The following HNF4A variants were observed in gnomAD, a reference collection of about 807,000 sequenced individuals.
The protein encoded by HNF4A is hepatocyte nuclear factor 4-alpha.
In HNF4A, 15 loss-of-function variants were observed where a neutral mutation model predicts 52.4. The observed-to-expected ratio is 0.29, with a 90% CI of 0.19 to 0.44. The LOEUF (loss-of-function observed/expected upper bound fraction) is 0.44, where lower values mean the gene tolerates loss of function less well. Among genes scored for constraint, HNF4A ranks in the 20% least tolerant of loss-of-function variants. The pLI is 1.00. For synonymous variants in HNF4A, 280 were observed against 264.4 expected (o/e 1.06, Z -0.57); for missense variants, 479 against 647.2 (o/e 0.74, Z 2.82).
intron 1 of HNF4A, among the ~76,000 whole-genome samples, chr20:44,378,328 C>T (rs572265904): frequency 3.3e-5 from 5 of 149,570 alleles, no homozygotes; most frequent in Non-Finnish European, 5.9e-5. Context: ...AGTGCAGTGG[C>T]GTGATCTCGG....
chr20:44,414,640 G>T lies in HNF4A; in HGVS notation c.626G>T (p.Cys209Phe). Residue 209 changes from cysteine (C) to phenylalanine (F), a missense_variant, in exon 5 of 10, where the codon TGC (cysteine) becomes TTC (phenylalanine). Physicochemically the swap from Cys to Phe is radical, Grantham distance 205 (BLOSUM62 -2). Transcript: ENST00000316099. ...TGGGCCAAGTACATCCCAGCTTTCT[G>T]CGAGCTCCCCCTGGACGACCAGGTG... 1 of 1,611,244 alleles carries T rather than the reference G, an allele frequency of 6.2e-7. No homozygotes were observed. The highest frequency in any genetic ancestry group is 8.5e-7 in the Non-Finnish European group (1 of 1,178,662).
At chr20:44,410,495 C>T (rs2063566274) in intron 3 of HNF4A, among the ~76,000 whole-genome samples, 1 of 151,936 alleles carries the variant, frequency 6.6e-6, no homozygotes, top group South Asian at 2.1e-4. Context: ...CCCACCACCC[C>T]TCCTCAGCCT....
chr20:44,414,516 C>T lies in HNF4A; in HGVS notation c.502C>T (p.Pro168Ser), dbSNP rs758036527. The change falls in exon 5 of 10, where the codon CCC (proline) becomes TCC (serine). Residue 168 changes from proline to serine, a missense_variant. By Grantham distance (74) the Pro-to-Ser change is moderately conservative (BLOSUM62 -1). This residue lies in a region of HNF4A where 389 missense variants were observed against 525.1 expected (regional missense o/e 0.74). Transcript: ENST00000316099. Reference sequence around the variant, plus strand: ...CCTGTATCTCTCGAAGATCACCTCCCCCGTCTCCGGGATCAACGGCGACAT... The same window carrying T: ...CCTGTATCTCTCGAAGATCACCTCCTCCGTCTCCGGGATCAACGGCGACAT... The T allele has an allele frequency of 1.2e-6, 2 of 1,614,246 alleles. No individual in the cohort carries two copies. Among genetic ancestry groups the T allele is most frequent in the East Asian group, 4.5e-5 (2 of 44,886 alleles).
At chr20:44,410,323 C>T (rs1390512807) in intron 3 of HNF4A, among the ~76,000 whole-genome samples, 2 of 152,300 alleles carry the variant, frequency 1.3e-5, no homozygotes, top group African/African-American at 4.8e-5. Flanking sequence ...GTGGGTTAGT[C>T]GATGCTAGTG....
intron 1 of HNF4A, among the ~76,000 whole-genome samples, chr20:44,366,807 A>T (rs2062974575): frequency 6.6e-6 from 1 of 152,200 alleles, no homozygotes; most frequent in South Asian, 2.1e-4. Context: ...GTATATCTTC[A>T]AAAGAAAGGA....
Position 44,422,202 on chromosome 20 carries a change from G to T in HNF4A, c.893-1816G>T, listed in dbSNP as rs1256888187. On this transcript the variant is annotated intron_variant, in intron 7 of 9. Coordinates refer to ENST00000316099, the MANE Select transcript of HNF4A (RefSeq NM_000457.6). Reference sequence around the variant, plus strand: ...CCTGCTATCCCACACTTACCAGAGGGTGAGATTTCTAGTTCTAGTTCCCTC... The same window carrying T: ...CCTGCTATCCCACACTTACCAGAGGTTGAGATTTCTAGTTCTAGTTCCCTC... 2.0e-5 allele frequency among the ~76,000 whole-genome samples: 3 copies of T among 152,194 alleles called. No homozygotes were observed. In the South Asian group the frequency reaches 6.2e-4, roughly 32 times the overall value.
chr20:44,385,866 G>T (rs1328565998), intron 1 of HNF4A, among the ~76,000 whole-genome samples: 3 of 147,964 alleles, frequency 2.0e-5, no homozygotes, highest in Non-Finnish European at 3.0e-5. Context: ...GATTTTTTTT[G>T]TTGTTTTTTT....
At chr20:44,416,923 T>A (rs2063673434) in intron 5 of HNF4A, among the ~76,000 whole-genome samples, 1 of 151,160 alleles carries the variant, frequency 6.6e-6, no homozygotes, top group African/African-American at 2.4e-5. Context: ...TCCTCCCACC[T>A]TTTCTCCTTC....
chr20:44,413,603 C>A (rs976132369), intron 3 of HNF4A, 91 bp from the exon 4 acceptor site: 3 of 875,904 alleles, frequency 3.4e-6, no homozygotes, highest in Non-Finnish European at 5.7e-6. Context: ...ACACCCCCCA[C>A]CTCCTGCTCC....
At chr20:44,401,067 G>A (rs1284436608), upstream of HNF4A, among the ~76,000 whole-genome samples, 1 of 151,994 alleles carries the variant, frequency 6.6e-6, no homozygotes, top group African/African-American at 2.4e-5. Flanking sequence ...GTGAGTTAGG[G>A]CCCCAGCAGT....
chr20:44,405,043 C>CG (rs2063477888), intron 1 of HNF4A, among the ~76,000 whole-genome samples: 1 of 92,854 alleles, frequency 1.1e-5, no homozygotes, highest in Non-Finnish European at 2.1e-5. Context: ...CGTGTGTGTG[C>CG]TTGTGTGTGG....
upstream of HNF4A, among the ~76,000 whole-genome samples, chr20:44,399,084 C>T (rs924195614): frequency 3.3e-5 from 5 of 152,318 alleles, no homozygotes; most frequent in South Asian, 2.1e-4. Context: ...ACCCCTTGGT[C>T]GGATCTTCTG....
intron 3 of HNF4A, 40 bp downstream of exon 3, chr20:44,407,515 C>T: frequency 1.5e-6 from 2 of 1,316,798 alleles, no homozygotes; most frequent in Non-Finnish European, 2.1e-6. Context: ...CACTGCCCCA[C>T]CTGCACCCAC....
rs997556522 is a variant in HNF4A, at chr20:44,420,024, C to A, written c.892+148C>A. 11 of 851,114 alleles carry A rather than the reference C, an allele frequency of 1.3e-5. No individual in the cohort carries two copies. In the African/African-American group the frequency reaches 1.8e-4, roughly 14 times the overall value. 52.7% of individuals were successfully genotyped at this position (851,114 alleles called of 1,614,324 possible). A position where few individuals can be genotyped will look rare whatever the true frequency, so the allele number is the denominator to read the frequency against. The stretch of plus-strand genomic sequence containing the variant: ...GGCCGTTTTCATTTAACAGATGAGG[C>A]AAGTCAAGATTTGAAGAGACAATAT... On this transcript the variant is annotated intron_variant, in intron 7 of 9. Coordinates refer to ENST00000316099, the MANE Select transcript of HNF4A (RefSeq NM_000457.6).
At chr20:44,396,131 C>T (rs1205511305) in intron 1 of HNF4A, among the ~76,000 whole-genome samples, 1 of 152,148 alleles carries the variant, frequency 6.6e-6, no homozygotes, top group African/African-American at 2.4e-5. Flanking sequence ...AGCCCTCAAG[C>T]TCTGGAGGCA....
chr20:44,362,418 T>TAAA (rs36103037), intron 1 of HNF4A, among the ~76,000 whole-genome samples: 10 of 104,170 alleles, frequency 9.6e-5, no homozygotes, highest in Non-Finnish European at 1.3e-4. Flanking sequence ...AAACTTGTCT[T>TAAA]AAAAAAAAAA....
chr20:44,417,128 A>G (rs1280032871), intron 5 of HNF4A, among the ~76,000 whole-genome samples: 1 of 149,996 alleles, frequency 6.7e-6, no homozygotes, highest in Non-Finnish European at 1.5e-5. Flanking sequence ...AACTGAAAGA[A>G]TGAACAATCA....
At chr20:44,388,345 G>A (rs1376863097) in intron 1 of HNF4A, among the ~76,000 whole-genome samples, 1 of 135,230 alleles carries the variant, frequency 7.4e-6, no homozygotes, top group African/African-American at 3.0e-5. Context: ...CATGGAAGCA[G>A]CACAAAGCCT....
Position 44,414,584 on chromosome 20 carries a change from C to T in HNF4A, c.570C>T (p.Ser190=). 6.2e-7 allele frequency: 1 copy of T among 1,614,204 alleles called. No homozygotes were observed. Among genetic ancestry groups the T allele is most frequent in the Non-Finnish European group, 8.5e-7 (1 of 1,180,028 alleles). The stretch of plus-strand genomic sequence containing the variant: ...CCAGCATCGCAGATGTGTGTGAGTC[C>T]ATGAAGGAGCAGCTGCTGGTTCTCG... Residue 190 remains serine (S), a synonymous_variant, in exon 5 of 10, where the codon TCC becomes TCT. Coordinates refer to ENST00000316099, the MANE Select transcript of HNF4A (RefSeq NM_000457.6).
Sources: gnomAD v4.1 joint callset for allele counts (sites outside exome capture counted in the v4.1 genomes callset) on GRCh38, gnomAD v4.1.1 for gene constraint, gnomAD v4.1.1 regional missense constraint, MANE v1.5 for transcripts, NCBI Gene and HGNC (gene_info 2026-07-23, HGNC 2026-07-21) for gene names.